Variants in TBC1D5 observed in about 807,000 individuals in gnomAD.
TBC1D5 encodes the protein TBC1 domain family, member 5.
TBC1D5 carries 75 observed loss-of-function variants against 100.3 expected under a neutral mutation model. The ratio of observed to expected loss-of-function variants is 0.75; its 90% CI spans 0.62 to 0.91. The LOEUF is 0.91. Ranked by LOEUF, TBC1D5 falls within the 40% of genes least tolerant of loss-of-function variation. The pLI, the probability that TBC1D5 is intolerant of heterozygous loss-of-function variation, is 0.00. For synonymous variants in TBC1D5, 323 were observed against 325.6 expected (o/e 0.99, Z 0.09); for missense variants, 910 against 942.4 (o/e 0.97, Z 0.45).
intron 13 of TBC1D5, among the ~76,000 whole-genome samples, chr3:17,361,233 T>G (rs897168508): frequency 6.6e-6 from 1 of 152,074 alleles, no homozygotes; most frequent in Non-Finnish European, 1.5e-5. Context: ...TGCCTAATTT[T>G]TTTTTTCAAC....
chr3:17,362,904 C>T (rs2091841237), intron 13 of TBC1D5, among the ~76,000 whole-genome samples: 1 of 152,160 alleles, frequency 6.6e-6, no homozygotes, highest in Non-Finnish European at 1.5e-5. Context: ...AACTACAGTC[C>T]AATGTCACTA....
chr3:17,397,174 C>T (rs1423858696), intron 8 of TBC1D5, among the ~76,000 whole-genome samples: 1 of 152,050 alleles, frequency 6.6e-6, no homozygotes, highest in African/African-American at 2.4e-5. Flanking sequence ...TCCCTACCTG[C>T]TCCTTTTCTC....
intron 3 of TBC1D5, among the ~76,000 whole-genome samples, chr3:17,459,387 G>A (rs879329238): frequency 5.9e-5 from 9 of 152,148 alleles, no homozygotes; most frequent in Admixed American, 1.3e-4. Context: ...ATCTAAAGTC[G>A]CTACTGATCT....
intron 1 of TBC1D5, among the ~76,000 whole-genome samples, chr3:17,681,520 A>G (rs1379894914): frequency 1.3e-5 from 2 of 151,592 alleles, no homozygotes; most frequent in Non-Finnish European, 2.9e-5. Flanking sequence ...AGAGATTTCT[A>G]TTTTCCCACA....
intron 3 of TBC1D5, among the ~76,000 whole-genome samples, chr3:17,500,853 T>C (rs1442086658): frequency 1.3e-5 from 2 of 149,632 alleles, no homozygotes; most frequent in East Asian, 1.9e-4. Context: ...TTGGCATTTC[T>C]AGAGGATGAC....
intron 13 of TBC1D5, among the ~76,000 whole-genome samples, chr3:17,328,637 A>G (rs2086490632): frequency 6.6e-6 from 1 of 152,184 alleles, no homozygotes; most frequent in Admixed American, 6.5e-5. Context: ...GCTAGCTTCT[A>G]TTATTTTTAA....
intron 1 of TBC1D5, among the ~76,000 whole-genome samples, chr3:17,719,027 T>C (rs982118595): frequency 1.3e-5 from 2 of 152,190 alleles, no homozygotes; most frequent in Non-Finnish European, 2.9e-5. Context: ...CATCAAGTAT[T>C]GAAATTTTAA....
At chr3:17,696,023 C>A (rs574348623) in intron 1 of TBC1D5, among the ~76,000 whole-genome samples, 23 of 152,152 alleles carry the variant, frequency 1.5e-4, no homozygotes, top group Admixed American at 5.2e-4. Context: ...GAAATGAAGG[C>A]TGAAATAAAG....
chr3:17,722,752 A>C (rs1439693504), intron 1 of TBC1D5, among the ~76,000 whole-genome samples: 2 of 152,218 alleles, frequency 1.3e-5, no homozygotes, highest in Non-Finnish European at 2.9e-5. Context: ...GCATGATTGC[A>C]TTACTAAGTG....
At chr3:17,402,452 T>C (rs1173749940) in intron 8 of TBC1D5, among the ~76,000 whole-genome samples, 2 of 152,156 alleles carry the variant, frequency 1.3e-5, no homozygotes, top group East Asian at 3.9e-4. Flanking sequence ...TATAAACTTA[T>C]CTAATTTACT....
chr3:17,209,399 A>G (rs2072664036), intron 18 of TBC1D5, among the ~76,000 whole-genome samples: 1 of 152,040 alleles, frequency 6.6e-6, no homozygotes, highest in African/African-American at 2.4e-5. Context: ...AATGCTCCCA[A>G]CTCAGCCTCC....
At position 17,244,473 on chromosome 3, in the gene TBC1D5, CCTTCCTTCCTCCTAT is replaced by C. The variant is rs146823026; in HGVS notation, c.1332-6069_1332-6055del. ...TCAGTTTCCATTCCATTCCTTCTGC[CCTTCCTTCCTCCTAT>C]CTTCCTTCCAAAATCTTTCTTTTCT... On this transcript the variant is annotated intron_variant, in intron 16 of 21. Coordinates refer to ENST00000253692, the Ensembl canonical transcript of TBC1D5. Among the ~76,000 whole-genome samples, 950 of 152,240 alleles carry C rather than the reference CCTTCCTTCCTCCTAT, an allele frequency of 6.2e-3. 16 individuals carry two copies. The East Asian group carries it at 0.1, about 16-fold the overall frequency.
At chr3:17,661,850 T>A (rs1224348870) in intron 1 of TBC1D5, among the ~76,000 whole-genome samples, 1 of 152,084 alleles carries the variant, frequency 6.6e-6, no homozygotes, top group Non-Finnish European at 1.5e-5. Context: ...GTGCATCACC[T>A]TCATTTGAAA....
intron 13 of TBC1D5, among the ~76,000 whole-genome samples, chr3:17,341,636 T>C (rs1264379054): frequency 6.6e-6 from 1 of 152,212 alleles, no homozygotes; most frequent in Non-Finnish European, 1.5e-5. Context: ...ACTCATATTC[T>C]TAATCACCGT....
chr3:17,696,720 T>G lies in TBC1D5; in HGVS notation c.-101+42623A>C, dbSNP rs750106351. Among the ~76,000 whole-genome samples, 6 of 152,222 alleles carry G rather than the reference T, an allele frequency of 3.9e-5. No individual in the cohort carries two copies. In the East Asian group the frequency reaches 1.2e-3, roughly 29 times the overall value. Reference sequence around the variant, plus strand: ...TTCCTTCTGAAAGTATTCCAATCAATAGACAAAGAGGAAATCCTCCCTAAC... The same window carrying G: ...TTCCTTCTGAAAGTATTCCAATCAAGAGACAAAGAGGAAATCCTCCCTAAC... On this transcript the variant is annotated intron_variant, in intron 1 of 21. Coordinates refer to ENST00000253692, the Ensembl canonical transcript of TBC1D5.
chr3:17,670,657 T>C (rs1312261272), intron 1 of TBC1D5, among the ~76,000 whole-genome samples: 10 of 152,244 alleles, frequency 6.6e-5, no homozygotes, highest in Non-Finnish European at 1.5e-4. Context: ...TCAGTTGATG[T>C]AGTTTTTAAT....
At chr3:17,727,843 T>C (rs1047217206) in intron 1 of TBC1D5, among the ~76,000 whole-genome samples, 3 of 152,154 alleles carry the variant, frequency 2.0e-5, no homozygotes, top group African/African-American at 7.2e-5. Context: ...AACACATAAA[T>C]AGAACTGCAT....
At chr3:17,721,459 A>ATGTG (rs59017875) in intron 1 of TBC1D5, among the ~76,000 whole-genome samples, 323 of 149,046 alleles carry the variant, frequency 2.2e-3, no homozygotes, top group Middle Eastern at 0.01. Context: ...GTGTGAGAGC[A>ATGTG]TGTGTGTGTG....
intron 3 of TBC1D5, among the ~76,000 whole-genome samples, chr3:17,457,287 CTT>C (rs1268174790): frequency 2.6e-5 from 4 of 152,050 alleles, no homozygotes; most frequent in African/African-American, 9.7e-5. Context: ...TTCTTCTACT[CTT>C]TTCTCTTTTT....
Sources: allele counts gnomAD v4.1 joint callset (sites outside exome capture counted in the v4.1 genomes callset), GRCh38; gene constraint gnomAD v4.1.1; transcripts MANE v1.5; gene names NCBI Gene and HGNC (gene_info 2026-07-23, HGNC 2026-07-21).